The following IL15RA variants were observed in gnomAD, a reference collection of about 807,000 sequenced individuals.
IL15RA encodes interleukin-15 receptor subunit alpha.
IL15RA carries 26 observed loss-of-function variants against 24.2 expected under a neutral mutation model. The ratio of observed to expected loss-of-function variants is 1.07; its 90% CI spans 0.79 to 1.49. The LOEUF (loss-of-function observed/expected upper bound fraction) is 1.49, where lower values mean the gene tolerates loss of function less well. Among genes scored for constraint, IL15RA ranks in the 40% most tolerant of loss-of-function variants. The probability of loss-of-function intolerance (pLI) is 0.00; values close to 1 mark genes in which losing one functional copy is unlikely to be tolerated. For synonymous variants in IL15RA, 166 were observed against 157.6 expected (o/e 1.05, Z -0.40); for missense variants, 354 against 356.4 (o/e 0.99, Z 0.05).
In IL15RA at chr10:5,963,468, AAAGAT is replaced by A. The variant is rs1242761664; in HGVS notation, c.382+270_382+274del. Among the ~76,000 whole-genome samples the A allele has an allele frequency of 6.6e-6, 1 of 152,252 alleles. No individual in the cohort carries two copies. The highest frequency in any genetic ancestry group is 1.5e-5 in the Non-Finnish European group (1 of 68,052). On this transcript the variant is annotated intron_variant, in intron 3 of 6. Transcript: ENST00000379977. This position sits in a 1 kb window ranked among gnomAD's most constrained non-coding sequence, Gnocchi z 5.3. ...CCTCAGTCTGCTTTCAGTTCTTGAC[AAAGAT>A]AAGTGTCTACAACTAAATTTGATAT...
At chr10:5,951,832 A>T (rs1005567696), downstream of IL15RA, among the ~76,000 whole-genome samples, 27 of 152,064 alleles carry the variant, frequency 1.8e-4, no homozygotes, top group African/African-American at 5.1e-4. Context: ...CAAGAAAAAA[A>T]TTTTTTTTAT....
chr10:5,949,939 T>C (rs1197470580), downstream of IL15RA, among the ~76,000 whole-genome samples: 1 of 151,814 alleles, frequency 6.6e-6, no homozygotes, highest in Non-Finnish European at 1.5e-5. This position sits in a 1 kb window ranked among gnomAD's most constrained non-coding sequence, Gnocchi z 4.4. Flanking sequence ...CTGCCAAAAA[T>C]ACAAAAATTA....
At position 5,959,060 on chromosome 10, in the gene IL15RA, G is replaced by A. The variant is rs1264794237; in HGVS notation, c.616+694C>T. Among the ~76,000 whole-genome samples the A allele has an allele frequency of 2.6e-5, 4 of 151,764 alleles. No individual in the cohort carries two copies. Among genetic ancestry groups the A allele is most frequent in the African/African-American group, 9.7e-5 (4 of 41,348 alleles). The stretch of plus-strand genomic sequence containing the variant: ...CCCCTTTTCCTCCTTATCATCACTT[G>A]CACGTTCTCTTTTCTATTCTCCTAG... On this transcript the variant is annotated intron_variant, in intron 5 of 6. Coordinates refer to ENST00000379977, the MANE Select transcript of IL15RA (RefSeq NM_002189.4). The surrounding 1 kb of genome is among the most constrained non-coding windows in gnomAD (Gnocchi z 4.1).
At chr10:5,977,701 G>A (rs1838684275), upstream of IL15RA, 12 of 1,197,352 alleles carry the variant, frequency 1.0e-5, no homozygotes, top group Non-Finnish European at 1.3e-5. Flanking sequence ...GAGCCCCGCC[G>A]GCCGCCGCGG....
chr10:5,961,950 T>A lies in IL15RA; in HGVS notation c.383-1383A>T, dbSNP rs536267593. Among the ~76,000 whole-genome samples, 22 of 152,330 alleles carry A rather than the reference T, an allele frequency of 1.4e-4. 1 individual carries two copies. The South Asian group carries it at 4.1e-3, about 29-fold the overall frequency. ...TCACTGCCAATGCTCCAGGGCTCCC[T>A]GCACAGGACGCACCAAGGCATCCTC... is the stretch of plus-strand genomic sequence containing the variant. On this transcript the variant is annotated intron_variant, in intron 3 of 6. Coordinates refer to ENST00000379977, the MANE Select transcript of IL15RA (RefSeq NM_002189.4). This position sits in a 1 kb window ranked among gnomAD's most constrained non-coding sequence, Gnocchi z 5.2.
upstream of IL15RA, chr10:5,977,582 G>A: frequency 1.6e-6 from 2 of 1,256,644 alleles, no homozygotes; most frequent in Non-Finnish European, 2.0e-6. Flanking sequence ...GGGACCTGCC[G>A]CCCCGCCAGT....
Position 5,973,336 on chromosome 10 carries a change from T to C in IL15RA, c.88+4069A>G, listed in dbSNP as rs976585541. 1.3e-5 allele frequency among the ~76,000 whole-genome samples: 2 copies of C among 152,244 alleles called. No individual in the cohort carries two copies. The highest frequency in any genetic ancestry group is 6.5e-5 in the Admixed American group (1 of 15,290). The stretch of plus-strand genomic sequence containing the variant: ...AAGCAATGCTTTGTAGTTTTCCATA[T>C]ATGAAAGATGTCTTTCACATCTTTT... On this transcript the variant is annotated intron_variant, in intron 1 of 6. Transcript: ENST00000379977. This position sits in a 1 kb window ranked among gnomAD's most constrained non-coding sequence, Gnocchi z 4.5.
In IL15RA at chr10:5,953,359, C is replaced by T; in HGVS notation, c.693-153G>A. Reference sequence around the variant, plus strand: ...GGGAGTCAGACAGAGAGCACTTAGTCCTCAGAGATGGAGAGAACCTAGAAT... The same window carrying T: ...GGGAGTCAGACAGAGAGCACTTAGTTCTCAGAGATGGAGAGAACCTAGAAT... On this transcript the variant is annotated intron_variant, in intron 6 of 6. Transcript: ENST00000379977. This position sits in a 1 kb window ranked among gnomAD's most constrained non-coding sequence, Gnocchi z 5.3. 1 of 720,336 alleles carries T rather than the reference C, an allele frequency of 1.4e-6. No individual in the cohort carries two copies. The highest frequency in any genetic ancestry group is 2.6e-6 in the Non-Finnish European group (1 of 388,590). 44.6% of individuals were successfully genotyped at this position (720,336 alleles called of 1,614,324 possible).
rs1318762688 is a variant in IL15RA, at chr10:5,955,629, A to G, written c.692+750T>C. On this transcript the variant is annotated intron_variant, in intron 6 of 6. Coordinates refer to ENST00000379977, the MANE Select transcript of IL15RA (RefSeq NM_002189.4). The surrounding 1 kb of genome is among the most constrained non-coding windows in gnomAD (Gnocchi z 5.3). Reference sequence around the variant, plus strand: ...GATTAAAAAAATGAGAAAAATTAAAAAAGTTAGCAAGTGGCAGAAATATTT... The same window carrying G: ...GATTAAAAAAATGAGAAAAATTAAAGAAGTTAGCAAGTGGCAGAAATATTT... Among the ~76,000 whole-genome samples the G allele has an allele frequency of 6.6e-6, 1 of 152,260 alleles. No homozygotes were observed. Among genetic ancestry groups the G allele is most frequent in the African/African-American group, 2.4e-5 (1 of 41,472 alleles).
In IL15RA at chr10:5,953,510, C is replaced by T. The variant is rs1365691983; in HGVS notation, c.693-304G>A. ...TTGAGCCCAGAAGTTCAAGACCAAC[C>T]AGGACAATATGATGAGAATAAATCC... On this transcript the variant is annotated intron_variant, in intron 6 of 6. Transcript: ENST00000379977. This position sits in a 1 kb window ranked among gnomAD's most constrained non-coding sequence, Gnocchi z 5.3. 1.3e-5 allele frequency among the ~76,000 whole-genome samples: 2 copies of T among 152,114 alleles called. No homozygotes were observed. The highest frequency in any genetic ancestry group is 4.8e-5 in the African/African-American group (2 of 41,408).
In IL15RA at chr10:5,967,491, C is replaced by T. The variant is rs1836780426; in HGVS notation, c.89-1152G>A. ...GTGTTGGGATTACAGGTGTGAGCCA[C>T]CGCACCCGGCCAAGATCAGATCATT... is the stretch of plus-strand genomic sequence containing the variant. On this transcript the variant is annotated intron_variant, in intron 1 of 6. Coordinates refer to ENST00000379977, the MANE Select transcript of IL15RA (RefSeq NM_002189.4). This position sits in a 1 kb window ranked among gnomAD's most constrained non-coding sequence, Gnocchi z 4.4. Among the ~76,000 whole-genome samples, 1 of 152,242 alleles carries T rather than the reference C, an allele frequency of 6.6e-6. No individual in the cohort carries two copies. The highest frequency in any genetic ancestry group is 2.1e-4 in the South Asian group (1 of 4,834).
Position 5,955,351 on chromosome 10 carries a change from G to C in IL15RA, c.692+1028C>G, listed in dbSNP as rs1203633951. ...TGACCTCACGCGATCTGCCTGCCTT[G>C]GCCTCCCGAAGTGCTGGGATTACAG... On this transcript the variant is annotated intron_variant, in intron 6 of 6. Coordinates refer to ENST00000379977, the MANE Select transcript of IL15RA (RefSeq NM_002189.4). This position sits in a 1 kb window ranked among gnomAD's most constrained non-coding sequence, Gnocchi z 5.3. Among the ~76,000 whole-genome samples, 1 of 151,964 alleles carries C rather than the reference G, an allele frequency of 6.6e-6. No homozygotes were observed. The highest frequency in any genetic ancestry group is 1.9e-4 in the East Asian group (1 of 5,196).
Position 5,966,261 on chromosome 10 carries a change from C to G in IL15RA, c.167G>C (p.Arg56Pro), listed in dbSNP as rs138176173. The change falls in exon 2 of 7, where the codon CGG becomes CCG. Residue 56 changes from arginine (R) to proline (P), a missense_variant. Coordinates refer to ENST00000379977, the MANE Select transcript of IL15RA (RefSeq NM_002189.4). This position sits in a 1 kb window ranked among gnomAD's most constrained non-coding sequence, Gnocchi z 6.4. ...CTTGAAACCAGAGTTACAAATGTAC[C>G]GCTCCCTGGAGTACAAGCTGTAGCT... ...VKSYSLYSRERYICNSGFKRK... is the reference protein window; with the variant it reads ...VKSYSLYSREPYICNSGFKRK... 7.4e-6 allele frequency: 12 copies of G among 1,613,932 alleles called. No homozygotes were observed.
At position 5,953,012 on chromosome 10, in the gene IL15RA, C is replaced by T. The variant is rs1834017182; in HGVS notation, c.*83G>A. ...GTGAGCTTGCTCCTGGAGCCCGCTT[C>T]CTTGCACCTCTTCTCAGTCGTCTTT... On this transcript the variant is annotated 3_prime_UTR_variant, in exon 7 of 7. Transcript: ENST00000379977. The surrounding 1 kb of genome is among the most constrained non-coding windows in gnomAD (Gnocchi z 5.3). 5 of 1,036,174 alleles carry T rather than the reference C, an allele frequency of 4.8e-6. No individual in the cohort carries two copies. The highest frequency in any genetic ancestry group is 7.5e-6 in the Non-Finnish European group (5 of 667,872). 64.2% of individuals were successfully genotyped at this position (1,036,174 alleles called of 1,614,324 possible). A position where few individuals can be genotyped will look rare whatever the true frequency, so the allele number is the denominator to read the frequency against.
At position 5,962,613 on chromosome 10, in the gene IL15RA, C is replaced by A. The variant is rs923205694; in HGVS notation, c.382+1130G>T. 6.8e-6 allele frequency among the ~76,000 whole-genome samples: 1 copy of A among 147,202 alleles called. No individual in the cohort carries two copies. Among genetic ancestry groups the A allele is most frequent in the Non-Finnish European group, 1.5e-5 (1 of 66,638 alleles). ...TCTCAAAAAAAAAAAAAAAAAAGAT[C>A]CACCTGGGGCTGGAGAGGCGTGAGT... is the stretch of plus-strand genomic sequence containing the variant. On this transcript the variant is annotated intron_variant, in intron 3 of 6. Transcript: ENST00000379977. This position sits in a 1 kb window ranked among gnomAD's most constrained non-coding sequence, Gnocchi z 5.2.
rs2296139 is a variant in IL15RA, at chr10:5,966,209, C to T, written c.219G>A (p.Thr73=). The change falls in exon 2 of 7, where the codon ACG becomes ACA. Residue 73 remains threonine (T), a synonymous_variant. Coordinates refer to ENST00000379977, the MANE Select transcript of IL15RA (RefSeq NM_002189.4). This position sits in a 1 kb window ranked among gnomAD's most constrained non-coding sequence, Gnocchi z 6.4. ...FKRKAGTSSL[T]ECVLNKATNV... is the part of the protein sequence containing the mutation. ...TCGTGGCCTTGTTCAACACGCACTC[C>T]GTCAGGCTGGACGTGCCGGCTTTAC... The T allele has an allele frequency of 0.14, 225,918 of 1,613,654 alleles. 17,420 individuals carry two copies. Among genetic ancestry groups the T allele is most frequent in the East Asian group, 0.3 (13,446 of 44,856 alleles).
downstream of IL15RA, among the ~76,000 whole-genome samples, chr10:5,951,060 T>C (rs1833826651): frequency 7.3e-6 from 1 of 137,824 alleles, no homozygotes; most frequent in Non-Finnish European, 1.5e-5. Flanking sequence ...GAGAATGGCA[T>C]GGACCCAGGA....
rs550589825 is a variant in IL15RA, at chr10:5,976,692, G to C, written c.88+713C>G. ...TCGCTCATTCCGTCCTCCCTGCCGA[G>C]ATCAGAGCTCCGCGACCCGCTTTCT... is the stretch of plus-strand genomic sequence containing the variant. On this transcript the variant is annotated intron_variant, in intron 1 of 6. Transcript: ENST00000379977. 3.9e-5 allele frequency among the ~76,000 whole-genome samples: 6 copies of C among 152,198 alleles called. No homozygotes were observed. The East Asian group carries it at 1.2e-3, about 29-fold the overall frequency.
downstream of IL15RA, among the ~76,000 whole-genome samples, chr10:5,951,739 T>C (rs1388340634): frequency 3.3e-5 from 5 of 151,894 alleles, no homozygotes; most frequent in Non-Finnish European, 7.4e-5. Context: ...GAGGTAGAAT[T>C]GCTTGAACCT....
Sources: allele counts gnomAD v4.1 joint callset (sites outside exome capture counted in the v4.1 genomes callset), GRCh38; gene constraint gnomAD v4.1.1; non-coding constraint Gnocchi (gnomAD v3.1); transcripts MANE v1.5; gene names NCBI Gene and HGNC (gene_info 2026-07-23, HGNC 2026-07-21).